Variants in PDZRN4 observed in about 807,000 individuals in gnomAD.
PDZRN4 encodes the protein PDZ domain-containing RING finger protein 4.
Under a neutral mutation model 99.0 loss-of-function variants are expected in PDZRN4, and 70 were observed. That is an observed-to-expected ratio of 0.71 (90% CI 0.58 to 0.86). The LOEUF (loss-of-function observed/expected upper bound fraction) is 0.86, where lower values mean the gene tolerates loss of function less well. Among genes scored for constraint, PDZRN4 ranks in the 40% least tolerant of loss-of-function variants. The pLI, the probability that PDZRN4 is intolerant of heterozygous loss-of-function variation, is 0.00. For synonymous variants in PDZRN4, 551 were observed against 501.6 expected (o/e 1.10, Z -1.32); for missense variants, 1,474 against 1,331.2 (o/e 1.11, Z -1.67).
At chr12:41,557,012 A>G (rs930802795) in intron 7 of PDZRN4, among the ~76,000 whole-genome samples, 1 of 152,024 alleles carries the variant, frequency 6.6e-6, no homozygotes, top group Non-Finnish European at 1.5e-5. Context: ...CTAGCCAGGC[A>G]TGGTGGCAGC....
At chr12:41,232,501 T>C (rs1002478448) in intron 3 of PDZRN4, among the ~76,000 whole-genome samples, 1 of 152,112 alleles carries the variant, frequency 6.6e-6, no homozygotes, top group Admixed American at 6.6e-5. Flanking sequence ...AGATGAAGTT[T>C]CTCTTATCCT....
chr12:41,273,387 T>A (rs966209248), intron 3 of PDZRN4, among the ~76,000 whole-genome samples: 10 of 151,922 alleles, frequency 6.6e-5, no homozygotes, highest in South Asian at 2.1e-4. Context: ...TATAACCAAA[T>A]CTGAAAATGC....
chr12:41,229,051 A>T (rs186038940), intron 3 of PDZRN4, among the ~76,000 whole-genome samples: 31 of 151,890 alleles, frequency 2.0e-4, no homozygotes, highest in African/African-American at 7.5e-4. Flanking sequence ...CCTCAATCAA[A>T]TTCTGCATGA....
intron 3 of PDZRN4, among the ~76,000 whole-genome samples, chr12:41,218,122 T>C (rs1382963465): frequency 6.6e-6 from 1 of 152,120 alleles, no homozygotes; most frequent in Non-Finnish European, 1.5e-5. Context: ...ATTAAAAGAA[T>C]TAAGTCAATT....
chr12:41,571,070 G>T (rs1165452872), intron 9 of PDZRN4, among the ~76,000 whole-genome samples: 2 of 152,000 alleles, frequency 1.3e-5, no homozygotes, highest in African/African-American at 4.8e-5. Flanking sequence ...AGCACTAGCT[G>T]TTGGCTTGAT....
At chr12:41,512,472 G>T (rs1938322863) in intron 5 of PDZRN4, among the ~76,000 whole-genome samples, 1 of 152,034 alleles carries the variant, frequency 6.6e-6, no homozygotes, top group African/African-American at 2.4e-5. Flanking sequence ...CAGAAAGAAG[G>T]AAGGGCAGGG....
chr12:41,325,850 A>G (rs1951706098), intron 3 of PDZRN4, among the ~76,000 whole-genome samples: 1 of 152,234 alleles, frequency 6.6e-6, no homozygotes, highest in East Asian at 1.9e-4. Context: ...TGTCTTGGAA[A>G]ACTTGAATAC....
chr12:41,372,993 A>C (rs1177138248), intron 3 of PDZRN4, among the ~76,000 whole-genome samples: 1 of 152,132 alleles, frequency 6.6e-6, no homozygotes, highest in Non-Finnish European at 1.5e-5. Flanking sequence ...AAAATAGAGA[A>C]ATTTTAAAGC....
chr12:41,204,943 C>T (rs1691367003), intron 3 of PDZRN4, among the ~76,000 whole-genome samples: 1 of 151,904 alleles, frequency 6.6e-6, no homozygotes, highest in South Asian at 2.1e-4. Flanking sequence ...TTCTTACCCA[C>T]CATTTCTGTG....
At chr12:41,270,520 T>A (rs917554214) in intron 3 of PDZRN4, among the ~76,000 whole-genome samples, 3 of 152,128 alleles carry the variant, frequency 2.0e-5, no homozygotes, top group African/African-American at 7.2e-5. Flanking sequence ...TTTAAAAAAA[T>A]CATGTTTATA....
At chr12:41,499,442 T>C (rs1938072527) in intron 3 of PDZRN4, among the ~76,000 whole-genome samples, 1 of 152,118 alleles carries the variant, frequency 6.6e-6, no homozygotes, top group African/African-American at 2.4e-5. Flanking sequence ...AATCAGAACA[T>C]ACCATAACAC....
Position 41,489,674 on chromosome 12 carries a change from GTTT to G in PDZRN4, c.844-16769_844-16767del, listed in dbSNP as rs34309822. Among the ~76,000 whole-genome samples the G allele has an allele frequency of 2.3e-4, 33 of 144,902 alleles. No homozygotes were observed. The East Asian group carries it at 3.4e-3, about 15-fold the overall frequency. On this transcript the variant is annotated intron_variant, in intron 3 of 9. Coordinates refer to ENST00000402685, the MANE Select transcript of PDZRN4 (RefSeq NM_001164595.2). The stretch of plus-strand genomic sequence containing the variant: ...TTAAATATTTTACTGAGATTTCCAG[GTTT>G]TTTTTTTTTTTTCCAAAAGAGAACT...
intron 3 of PDZRN4, among the ~76,000 whole-genome samples, chr12:41,423,136 T>A (rs1326782704): frequency 6.6e-6 from 1 of 151,776 alleles, no homozygotes; most frequent in African/African-American, 2.4e-5. Flanking sequence ...AAATCTTTTT[T>A]TATTTGCTGA....
chr12:41,424,355 T>C (rs943725071), intron 3 of PDZRN4, among the ~76,000 whole-genome samples: 2 of 152,156 alleles, frequency 1.3e-5, no homozygotes, highest in Non-Finnish European at 2.9e-5. Flanking sequence ...TGTTCTCCCT[T>C]CATTCCAAAC....
At chr12:41,287,448 C>T (rs917488106) in intron 3 of PDZRN4, among the ~76,000 whole-genome samples, 5 of 152,186 alleles carry the variant, frequency 3.3e-5, no homozygotes, top group African/African-American at 9.7e-5. Context: ...TACATTTAAA[C>T]TATTCCTTTG....
At chr12:41,276,451 G>A (rs78349877) in intron 3 of PDZRN4, among the ~76,000 whole-genome samples, 2,225 of 151,866 alleles carry the variant, frequency 0.015, 22 homozygotes, top group Middle Eastern at 0.034. Context: ...TTTTATACAC[G>A]TCATAGTTCA....
chr12:41,510,803 G>A (rs936360596), intron 5 of PDZRN4, among the ~76,000 whole-genome samples: 14 of 152,068 alleles, frequency 9.2e-5, no homozygotes, highest in African/African-American at 2.2e-4. Flanking sequence ...GCAAATGGAC[G>A]TTTGTTTGAA....
At chr12:41,506,290 A>G (rs1938203869) in intron 3 of PDZRN4, among the ~76,000 whole-genome samples, 166 bp from the exon 4 acceptor site, 1 of 150,858 alleles carries the variant, frequency 6.6e-6, no homozygotes, top group African/African-American at 2.4e-5. Context: ...CAGGTACTTC[A>G]TCATGTTGGT....
intron 3 of PDZRN4, among the ~76,000 whole-genome samples, chr12:41,319,550 T>A (rs1220538688): frequency 6.6e-6 from 1 of 152,066 alleles, no homozygotes; most frequent in South Asian, 2.1e-4. Context: ...ATCTACTGTC[T>A]CTCCACAGCA....
Sources: allele counts gnomAD v4.1 joint callset (sites outside exome capture counted in the v4.1 genomes callset), GRCh38; gene constraint gnomAD v4.1.1; transcripts MANE v1.5; gene names NCBI Gene and HGNC (gene_info 2026-07-23, HGNC 2026-07-21).